The following AGAP1 variants were observed in gnomAD, a reference collection of about 807,000 sequenced individuals.
The protein encoded by AGAP1 is arf-GAP with GTPase, ANK repeat and PH domain-containing protein 1.
A neutral mutation model predicts 105.3 loss-of-function variants in AGAP1; 29 were observed. That is an observed-to-expected ratio of 0.28 (90% CI 0.21 to 0.38). AGAP1 has a LOEUF of 0.38. AGAP1 is among the 10% of genes least tolerant of loss of function. The pLI is 1.00. For synonymous variants in AGAP1, 509 were observed against 485.9 expected, an observed-to-expected ratio of 1.05 and a Z score of -0.63; for missense variants, 998 against 1,165.1, an observed-to-expected ratio of 0.86 and a Z score of 2.09.
At chr2:235,803,617 C>T (rs1477372249) in intron 8 of AGAP1, among the ~76,000 whole-genome samples, 2 of 152,178 alleles carry the variant, frequency 1.3e-5, no homozygotes, top group Non-Finnish European at 2.9e-5. Flanking sequence ...ATGCATGTAT[C>T]ATTTTTTCCA....
chr2:236,099,966 G>A (rs1576303107), intron 16 of AGAP1, among the ~76,000 whole-genome samples: 1 of 152,068 alleles, frequency 6.6e-6, no homozygotes, highest in Non-Finnish European at 1.5e-5. Context: ...GTTGAACCCG[G>A]GAGGCAGAGG....
In AGAP1 at chr2:235,875,420, C is replaced by T. The variant is rs964876469; in HGVS notation, c.1051-7925C>T. Among the ~76,000 whole-genome samples, 2 of 152,122 alleles carry T rather than the reference C, an allele frequency of 1.3e-5. No individual in the cohort carries two copies. The highest frequency in any genetic ancestry group is 1.3e-4 in the Admixed American group (2 of 15,270). On this transcript the variant is annotated intron_variant, in intron 9 of 17. Transcript: ENST00000304032. This position sits in a 1 kb window ranked among gnomAD's most constrained non-coding sequence, Gnocchi z 4.0. ...TCTGATTCCCAGCGGACCGGCCTTC[C>T]TCACTCGATGATTGTCAGGGCTGAG... is the stretch of plus-strand genomic sequence containing the variant.
intron 1 of AGAP1, among the ~76,000 whole-genome samples, chr2:235,613,240 C>T (rs1350058753): frequency 2.0e-5 from 3 of 152,172 alleles, no homozygotes; most frequent in Non-Finnish European, 4.4e-5. Context: ...AAGTCATCTG[C>T]CTGCCTCGGC....
chr2:236,128,408 G>A lies in AGAP1; in HGVS notation c.*4286G>A, dbSNP rs2060036595. 6.6e-6 allele frequency: 1 copy of A among 152,378 alleles called. No homozygotes were observed. Among genetic ancestry groups the A allele is most frequent in the African/African-American group, 2.4e-5 (1 of 41,450 alleles). The allele number at this position is 152,378 out of a possible 1,614,324, so 9.4% of individuals were successfully genotyped here. ...CCTTGCCGTTGCCATGAGCCGCTGT[G>A]ACTCACGCGTGCACTGGGCCTTGCT... On this transcript the variant is annotated 3_prime_UTR_variant, in exon 18 of 18. Coordinates refer to ENST00000304032, the MANE Select transcript of AGAP1 (RefSeq NM_001037131.3). This position sits in a 1 kb window ranked among gnomAD's most constrained non-coding sequence, Gnocchi z 5.9.
At chr2:235,776,897 C>T (rs1278111507) in intron 6 of AGAP1, 3 of 470,512 alleles carry the variant, frequency 6.4e-6, no homozygotes, top group Non-Finnish European at 4.4e-6. Context: ...TGCAACCTCT[C>T]TGGCTTTTCC....
At chr2:235,511,411 C>T (rs56259253) in intron 1 of AGAP1, among the ~76,000 whole-genome samples, 52 of 152,162 alleles carry the variant, frequency 3.4e-4, no homozygotes, top group Non-Finnish European at 6.9e-4. Context: ...AGCCAGGAGC[C>T]GCAGGGGGCT....
Position 236,120,231 on chromosome 2 carries a change from G to A in AGAP1, c.2154G>A (p.Gln718=), listed in dbSNP as rs2059867750. The A allele has an allele frequency of 1.2e-5, 19 of 1,613,248 alleles. No individual in the cohort carries two copies. The East Asian group carries it at 4.2e-4, about 36-fold the overall frequency. Residue 718 remains glutamine (Q), a synonymous_variant, in exon 17 of 18, where the codon CAG becomes CAA. Coordinates refer to ENST00000304032, the MANE Select transcript of AGAP1 (RefSeq NM_001037131.3). The surrounding 1 kb of genome is among the most constrained non-coding windows in gnomAD (Gnocchi z 6.0). ...GGTGGATCCGTGCCAAGTACGAGCA[G>A]AAGCTCTTCCTGGCCCCGCTGCCCT... ...KERWIRAKYE[Q]KLFLAPLPCT...
At position 236,120,141 on chromosome 2, in the gene AGAP1, CTG is replaced by C. The variant is rs776641645; in HGVS notation, c.2115-47_2115-46del. ...ACCACACTGGGCAGGGGCTGGCAGC[CTG>C]TGTTCTCGGGCCTGATCGTGACTGC... is the stretch of plus-strand genomic sequence containing the variant. On this transcript the variant is annotated intron_variant, in intron 16 of 17. Coordinates refer to ENST00000304032, the MANE Select transcript of AGAP1 (RefSeq NM_001037131.3). This position sits in a 1 kb window ranked among gnomAD's most constrained non-coding sequence, Gnocchi z 6.0. The C allele has an allele frequency of 6.4e-7, 1 of 1,566,960 alleles. No individual in the cohort carries two copies. Among genetic ancestry groups the C allele is most frequent in the Non-Finnish European group, 8.7e-7 (1 of 1,154,638 alleles).
rs545352801 is a variant in AGAP1, at chr2:235,866,393, C to T, written c.1051-16952C>T. On this transcript the variant is annotated intron_variant, in intron 9 of 17. Coordinates refer to ENST00000304032, the MANE Select transcript of AGAP1 (RefSeq NM_001037131.3). This position sits in a 1 kb window ranked among gnomAD's most constrained non-coding sequence, Gnocchi z 6.1. ...GGACTTGAGGTACCTGGTAGATACT[C>T]GGGGGAGTGTGTCCAGTACGGAATG... Among the ~76,000 whole-genome samples, 16 of 152,098 alleles carry T rather than the reference C, an allele frequency of 1.1e-4. No homozygotes were observed. Among genetic ancestry groups the T allele is most frequent in the African/African-American group, 3.1e-4 (13 of 41,492 alleles).
chr2:236,049,412 C>T (rs534281852), intron 16 of AGAP1, 131 bp downstream of exon 16: 66 of 786,470 alleles, frequency 8.4e-5, no homozygotes, highest in African/African-American at 6.1e-4. Flanking sequence ...CCGATTCATC[C>T]GGCATAGGAA....
intron 9 of AGAP1, among the ~76,000 whole-genome samples, chr2:235,809,682 A>G (rs570398548): frequency 2.0e-5 from 3 of 152,306 alleles, no homozygotes; most frequent in Admixed American, 1.3e-4. Context: ...GTATCGATCT[A>G]TCTCACATCC....
chr2:235,540,485 T>C (rs533951089), intron 1 of AGAP1, among the ~76,000 whole-genome samples: 56 of 152,270 alleles, frequency 3.7e-4, no homozygotes, highest in Non-Finnish European at 5.9e-4. Flanking sequence ...TTGAGAGAAT[T>C]TGAAAAGAAA....
In AGAP1 at chr2:236,000,419, A is replaced by G. The variant is rs936957549; in HGVS notation, c.1645+31796A>G. Among the ~76,000 whole-genome samples, 1 of 152,204 alleles carries G rather than the reference A, an allele frequency of 6.6e-6. No individual in the cohort carries two copies. Among genetic ancestry groups the G allele is most frequent in the Non-Finnish European group, 1.5e-5 (1 of 68,040 alleles). On this transcript the variant is annotated intron_variant, in intron 13 of 17. Coordinates refer to ENST00000304032, the MANE Select transcript of AGAP1 (RefSeq NM_001037131.3). This position sits in a 1 kb window ranked among gnomAD's most constrained non-coding sequence, Gnocchi z 4.3. ...GAGGACTTTCTGTACAAAAATCACT[A>G]CGCGTGACAGCTCAAATAATAAACA...
chr2:235,602,656 C>T (rs775808568), intron 1 of AGAP1, among the ~76,000 whole-genome samples: 1 of 152,172 alleles, frequency 6.6e-6, no homozygotes, highest in Non-Finnish European at 1.5e-5. Flanking sequence ...CACAGTTCCT[C>T]TTATCCTGTT....
intron 1 of AGAP1, among the ~76,000 whole-genome samples, chr2:235,677,546 A>G (rs899312684): frequency 1.3e-5 from 2 of 152,126 alleles, no homozygotes; most frequent in Non-Finnish European, 2.9e-5. Context: ...CCAAGATTTC[A>G]CGTGACGTTG....
intron 1 of AGAP1, among the ~76,000 whole-genome samples, chr2:235,696,350 T>C (rs1181673754): frequency 6.6e-6 from 1 of 152,234 alleles, no homozygotes; most frequent in Non-Finnish European, 1.5e-5. Context: ...CCAGCCTGTT[T>C]ACCAATTTTT....
In AGAP1 at chr2:236,058,081, A is replaced by G. The variant is rs2058096346; in HGVS notation, c.2114+8800A>G. Among the ~76,000 whole-genome samples the G allele has an allele frequency of 6.6e-6, 1 of 152,172 alleles. No homozygotes were observed. Among genetic ancestry groups the G allele is most frequent in the Non-Finnish European group, 1.5e-5 (1 of 68,018 alleles). On this transcript the variant is annotated intron_variant, in intron 16 of 17. Transcript: ENST00000304032. This position sits in a 1 kb window ranked among gnomAD's most constrained non-coding sequence, Gnocchi z 4.6. ...ATATTCTTGAGCCCCACCCAAGCCT[A>G]CCCAGTCAGCATCCCTAGGGGGTAG...
chr2:235,768,163 A>T, intron 6 of AGAP1, among the ~76,000 whole-genome samples: 1 of 151,936 alleles, frequency 6.6e-6, no homozygotes, highest in East Asian at 1.9e-4. Flanking sequence ...GCTTCTCCCT[A>T]CCAGTTTTTC....
intron 1 of AGAP1, among the ~76,000 whole-genome samples, chr2:235,653,831 C>T (rs991106928): frequency 5.9e-5 from 9 of 152,098 alleles, no homozygotes; most frequent in East Asian, 1.9e-4. Flanking sequence ...CCGAGGCAGG[C>T]GGATTATTTG....
Sources: gnomAD v4.1 joint callset for allele counts (sites outside exome capture counted in the v4.1 genomes callset) on GRCh38, gnomAD v4.1.1 for gene constraint, Gnocchi (gnomAD v3.1) non-coding constraint, MANE v1.5 for transcripts, NCBI Gene and HGNC (gene_info 2026-07-23, HGNC 2026-07-21) for gene names.